HIF1AN: variants seen among roughly 807,000 people sequenced by gnomAD.
HIF1AN encodes hypoxia-inducible factor 1-alpha inhibitor.
A neutral mutation model predicts 47.7 loss-of-function variants in HIF1AN; 21 were observed. The ratio of observed to expected loss-of-function variants is 0.44; its 90% CI spans 0.31 to 0.63. The LOEUF is 0.63. Among genes scored for constraint, HIF1AN ranks in the 30% least tolerant of loss-of-function variants. HIF1AN has a pLI of 0.07. For synonymous variants in HIF1AN, 152 were observed against 155.9 expected (o/e 0.98, Z 0.18); for missense variants, 320 against 432.7 (o/e 0.74, Z 2.31).
Position 100,545,078 on chromosome 10 carries a change from A to T in HIF1AN, c.705A>T (p.Pro235=). The T allele has an allele frequency of 6.2e-7, 1 of 1,614,110 alleles. No homozygotes were observed. Among genetic ancestry groups the T allele is most frequent in the Non-Finnish European group, 8.5e-7 (1 of 1,179,984 alleles). The change falls in exon 4 of 8, where the codon CCA becomes CCT. Residue 235 remains proline, a synonymous_variant. Coordinates refer to ENST00000299163, the MANE Select transcript of HIF1AN (RefSeq NM_017902.3). Reference sequence around the variant, plus strand: ...TCTACCCATACCCTGTTCATCACCCATGTGACAGACAGAGCCAGGTGAGCT... The same window carrying T: ...TCTACCCATACCCTGTTCATCACCCTTGTGACAGACAGAGCCAGGTGAGCT... ...ECLYPYPVHH[P]CDRQSQVDFD...
intron 3 of HIF1AN, among the ~76,000 whole-genome samples, chr10:100,542,273 C>T (rs773251189): frequency 3.3e-5 from 5 of 152,170 alleles, no homozygotes; most frequent in Non-Finnish European, 4.4e-5. Context: ...TCTACTAGAT[C>T]TGTCTATATT....
At chr10:100,536,360 G>A (rs1289229918) in intron 1 of HIF1AN, 51 bp from the exon 2 acceptor site, 1 of 1,599,430 alleles carries the variant, frequency 6.3e-7, no homozygotes, top group African/African-American at 1.3e-5. Context: ...CAACCCACCG[G>A]CTCCTTGGCA....
rs1447940570 is a variant in HIF1AN, at chr10:100,540,272, GTTTGGGGGCC to G, written c.429-361_429-352del. 6.5e-3 allele frequency among the ~76,000 whole-genome samples: 995 copies of G among 151,936 alleles called. 14 individuals are homozygous for G. Among genetic ancestry groups the G allele is most frequent in the African/African-American group, 0.023 (955 of 41,426 alleles). On this transcript the variant is annotated intron_variant, in intron 2 of 7. Transcript: ENST00000299163. ...TAAGCATCACTTCTTTAAAGAAAAA[GTTTGGGGGCC>G]AGATGCAGTGTCTCACACCTGTAAT... is the stretch of plus-strand genomic sequence containing the variant.
rs553037298 is a variant in HIF1AN at position 100,553,487 on chromosome 10, C to G, written c.*5350C>G. 19 of 152,260 alleles carry G rather than the reference C, an allele frequency of 1.2e-4. 1 individual carries two copies. The Middle Eastern group carries it at 0.034, about 271-fold the overall frequency. 9.4% of individuals were successfully genotyped at this position (152,260 alleles called of 1,614,324 possible). A position where few individuals can be genotyped will look rare whatever the true frequency, so the allele number is the denominator to read the frequency against. ...CTGGCAGCTGGAGAGATGAGAGGAC[C>G]TAGTGGTCAGCTTATACCCAGACTA... On this transcript the variant is annotated 3_prime_UTR_variant, in exon 8 of 8. Coordinates refer to ENST00000299163, the MANE Select transcript of HIF1AN (RefSeq NM_017902.3).
In HIF1AN at chr10:100,556,545, A is replaced by T. The variant is rs754319094; in HGVS notation, c.*8408A>T. 6.6e-6 allele frequency: 1 copy of T among 152,246 alleles called. No individual in the cohort carries two copies. 9.4% of individuals were successfully genotyped at this position (152,246 alleles called of 1,614,324 possible). A position where few individuals can be genotyped will look rare whatever the true frequency, so the allele number is the denominator to read the frequency against. On this transcript the variant is annotated 3_prime_UTR_variant, in exon 8 of 8. Coordinates refer to ENST00000299163, the MANE Select transcript of HIF1AN (RefSeq NM_017902.3). Reference sequence around the variant, plus strand: ...GTCAGAGTCTGCCTTGCTAGTCTAGAGGTAGGACCATGGATTTAAGAACGT... The same window carrying T: ...GTCAGAGTCTGCCTTGCTAGTCTAGTGGTAGGACCATGGATTTAAGAACGT...
In HIF1AN at chr10:100,535,973, G is replaced by C; in HGVS notation, c.15G>C (p.Ala5=). Residue 5 remains alanine, a synonymous_variant, in exon 1 of 8, where the codon GCG becomes GCC. Transcript: ENST00000299163. MAAT[A]AEAVASGSGE... is the part of the protein sequence containing the mutation. ...TGGCGGCGGAGATGGCGGCGACAGC[G>C]GCGGAGGCTGTGGCCTCTGGCTCTG... 1.3e-6 allele frequency: 2 copies of C among 1,552,504 alleles called. No homozygotes were observed. Among genetic ancestry groups the C allele is most frequent in the Non-Finnish European group, 1.7e-6 (2 of 1,149,432 alleles).
At chr10:100,538,873 T>C (rs892024431) in intron 2 of HIF1AN, among the ~76,000 whole-genome samples, 1 of 150,390 alleles carries the variant, frequency 6.6e-6, no homozygotes, top group African/African-American at 2.4e-5. Flanking sequence ...ATTGTGATTC[T>C]AGGCAGTGAG....
At chr10:100,547,979 A>G (rs1307631508) in intron 7 of HIF1AN, 114 bp from the exon 8 acceptor site, 20 of 930,640 alleles carry the variant, frequency 2.1e-5, no homozygotes, top group Non-Finnish European at 3.3e-5. Flanking sequence ...ACAAGATTGT[A>G]TGAAAACATT....
intron 3 of HIF1AN, among the ~76,000 whole-genome samples, chr10:100,542,407 G>A (rs1843043875): frequency 6.6e-6 from 1 of 152,144 alleles, no homozygotes; most frequent in Non-Finnish European, 1.5e-5. Context: ...AGGCTGGAGT[G>A]CAGTGGCGCG....
Position 100,548,158 on chromosome 10 carries a change from C to T in HIF1AN, c.*21C>T, listed in dbSNP as rs751421136. On this transcript the variant is annotated 3_prime_UTR_variant, in exon 8 of 8. Coordinates refer to ENST00000299163, the MANE Select transcript of HIF1AN (RefSeq NM_017902.3). ...ACTAGCCTGCCAGGGGTCAAGGCCT[C>T]CTGCCAGGTGACTGCTATCCCGTCC... The T allele has an allele frequency of 6.3e-7, 1 of 1,598,870 alleles. No homozygotes were observed. The highest frequency in any genetic ancestry group is 1.1e-5 in the South Asian group (1 of 88,458).
chr10:100,539,742 G>A (rs926229631), intron 2 of HIF1AN, among the ~76,000 whole-genome samples: 2 of 152,160 alleles, frequency 1.3e-5, no homozygotes, highest in African/African-American at 2.4e-5. Context: ...CCAGAGCAGC[G>A]TAAATAAGCA....
Position 100,556,487 on chromosome 10 carries a change from G to T in HIF1AN, c.*8350G>T, listed in dbSNP as rs1843215713. ...GATTGTCACAGAGGCTGTCATGCTA[G>T]TAAGAGTCAGAGGTTACTGATGGGT... is the stretch of plus-strand genomic sequence containing the variant. On this transcript the variant is annotated 3_prime_UTR_variant, in exon 8 of 8. Transcript: ENST00000299163. 1 of 152,290 alleles carries T rather than the reference G, an allele frequency of 6.6e-6. No individual in the cohort carries two copies. Among genetic ancestry groups the T allele is most frequent in the Non-Finnish European group, 1.5e-5 (1 of 68,058 alleles). 9.4% of individuals were successfully genotyped at this position (152,290 alleles called of 1,614,324 possible).
rs971087602 is a variant in HIF1AN at position 100,558,418 on chromosome 10, T to C, written c.*10281T>C. 1.3e-5 allele frequency: 2 copies of C among 152,132 alleles called. No homozygotes were observed. Among genetic ancestry groups the C allele is most frequent in the African/African-American group, 4.8e-5 (2 of 41,428 alleles). The allele number at this position is 152,132 out of a possible 1,614,324, so 9.4% of individuals were successfully genotyped here. On this transcript the variant is annotated 3_prime_UTR_variant, in exon 8 of 8. Coordinates refer to ENST00000299163, the MANE Select transcript of HIF1AN (RefSeq NM_017902.3). ...GAGTTTGAGATCAGCCTAGGCAGCA[T>C]AGTGACACCCCATCTCTTGAAAAAA...
chr10:100,543,224 C>CT (rs1463197151), intron 3 of HIF1AN, among the ~76,000 whole-genome samples: 3 of 152,260 alleles, frequency 2.0e-5, no homozygotes, highest in African/African-American at 7.2e-5. Flanking sequence ...GTGTCTCACT[C>CT]TGTCACCCAT....
chr10:100,546,076 T>C, intron 5 of HIF1AN, 27 bp downstream of exon 5: 24 of 1,297,958 alleles, frequency 1.8e-5, no homozygotes, highest in Non-Finnish European at 2.4e-5. Flanking sequence ...GGCTGGGGGC[T>C]TTTTGGGAGC....
At chr10:100,541,632 T>G (rs534548011) in intron 3 of HIF1AN, among the ~76,000 whole-genome samples, 2 of 152,138 alleles carry the variant, frequency 1.3e-5, no homozygotes, top group Non-Finnish European at 2.9e-5. Flanking sequence ...CCCAAGTAGC[T>G]GACACTACAG....
chr10:100,538,189 G>T (rs1852251639), intron 2 of HIF1AN, among the ~76,000 whole-genome samples: 1 of 152,112 alleles, frequency 6.6e-6, no homozygotes, highest in Non-Finnish European at 1.5e-5. Flanking sequence ...GTACTTTATG[G>T]GTGATTAAAG....
In HIF1AN at chr10:100,549,985, T is replaced by C. The variant is rs1051709656; in HGVS notation, c.*1848T>C. 2.0e-5 allele frequency: 3 copies of C among 152,170 alleles called. No homozygotes were observed. Among genetic ancestry groups the C allele is most frequent in the African/African-American group, 7.2e-5 (3 of 41,414 alleles). 9.4% of individuals were successfully genotyped at this position (152,170 alleles called of 1,614,324 possible). On this transcript the variant is annotated 3_prime_UTR_variant, in exon 8 of 8. Transcript: ENST00000299163. ...TTCTCAAGTGTAGCTCTTTCAAATA[T>C]AGTCAATGCTGGGAAATGTGATTGC...
Position 100,548,374 on chromosome 10 carries a change from C to T in HIF1AN, c.*237C>T. On this transcript the variant is annotated 3_prime_UTR_variant, in exon 8 of 8. Coordinates refer to ENST00000299163, the MANE Select transcript of HIF1AN (RefSeq NM_017902.3). The stretch of plus-strand genomic sequence containing the variant: ...CCCCAGCACCTTCTCTCTCTGCCCC[C>T]CGCCTAAAGTCCTGCATTCAGTGTG... The T allele has an allele frequency of 2.1e-6, 1 of 481,370 alleles. No homozygotes were observed. Among genetic ancestry groups the T allele is most frequent in the South Asian group, 3.7e-5 (1 of 26,852 alleles). 29.8% of individuals were successfully genotyped at this position (481,370 alleles called of 1,614,324 possible). A position where few individuals can be genotyped will look rare whatever the true frequency, so the allele number is the denominator to read the frequency against.
Sources: gnomAD v4.1 joint callset for allele counts (sites outside exome capture counted in the v4.1 genomes callset) on GRCh38, gnomAD v4.1.1 for gene constraint, MANE v1.5 for transcripts, NCBI Gene and HGNC (gene_info 2026-07-23, HGNC 2026-07-21) for gene names.